The following CDH9 variants were observed in gnomAD, a reference collection of about 807,000 sequenced individuals.
The protein encoded by CDH9 is cadherin-9.
CDH9 carries 28 observed loss-of-function variants against 70.9 expected under a neutral mutation model. The observed-to-expected ratio is 0.40, with a 90% CI of 0.29 to 0.54. CDH9 has a LOEUF of 0.54. Ranked by LOEUF, CDH9 falls within the 20% of genes least tolerant of loss-of-function variation. CDH9 has a pLI of 0.59. For missense variants in CDH9, 874 were observed against 984.4 expected, an observed-to-expected ratio of 0.89 and a Z score of 1.50; for synonymous variants, 409 against 343.1, an observed-to-expected ratio of 1.19 and a Z score of -2.12.
intron 11 of CDH9, among the ~76,000 whole-genome samples, chr5:26,885,282 T>C (rs1026440639): frequency 6.6e-6 from 1 of 152,176 alleles, no homozygotes; most frequent in African/African-American, 2.4e-5. Context: ...ATTTACCTTA[T>C]ACAGTTGATG....
intron 1 of CDH9, among the ~76,000 whole-genome samples, chr5:26,995,725 A>G (rs553838970): frequency 6.6e-6 from 1 of 152,164 alleles, no homozygotes; most frequent in Admixed American, 6.5e-5. Flanking sequence ...TTACTTATTC[A>G]ATAGGGAAAA....
intron 2 of CDH9, among the ~76,000 whole-genome samples, chr5:26,970,675 A>G (rs1016636112): frequency 1.2e-4 from 19 of 152,102 alleles, no homozygotes; most frequent in African/African-American, 4.3e-4. Context: ...AATTTATGCA[A>G]TTGTAATCAG....
chr5:27,035,416 G>T (rs992657195), intron 1 of CDH9, among the ~76,000 whole-genome samples: 5 of 151,478 alleles, frequency 3.3e-5, no homozygotes, highest in African/African-American at 1.2e-4. Context: ...GAAAGAAATT[G>T]CTTTATCTTA....
At chr5:26,972,526 G>T (rs1742237042) in intron 2 of CDH9, among the ~76,000 whole-genome samples, 1 of 152,006 alleles carries the variant, frequency 6.6e-6, no homozygotes, top group African/African-American at 2.4e-5. Context: ...AGAAAACTCA[G>T]CCAAAAAAGT....
intron 7 of CDH9, among the ~76,000 whole-genome samples, chr5:26,891,627 G>C (rs1250760645): frequency 6.6e-6 from 1 of 152,084 alleles, no homozygotes; most frequent in Non-Finnish European, 1.5e-5. Context: ...GCAGTGAGCC[G>C]AGATGGCACC....
intron 2 of CDH9, among the ~76,000 whole-genome samples, chr5:26,926,106 A>T (rs1461725077): frequency 6.6e-6 from 1 of 152,298 alleles, no homozygotes; most frequent in Middle Eastern, 3.4e-3. Flanking sequence ...ATCAGGCAAG[A>T]TAAATAAATA....
chr5:26,969,325 T>G (rs916155031), intron 2 of CDH9, among the ~76,000 whole-genome samples: 2 of 152,154 alleles, frequency 1.3e-5, no homozygotes, highest in African/African-American at 4.8e-5. Flanking sequence ...CTAGCTAAAA[T>G]GTACTTCATA....
intron 2 of CDH9, among the ~76,000 whole-genome samples, chr5:26,951,270 T>G (rs548244702): frequency 9.5e-6 from 1 of 105,032 alleles, no homozygotes; most frequent in African/African-American, 3.8e-5. Context: ...TTAGCCTGGG[T>G]GACAGAGCAA....
chr5:26,981,836 A>AC (rs1289792889), intron 2 of CDH9, among the ~76,000 whole-genome samples: 1 of 151,928 alleles, frequency 6.6e-6, no homozygotes, highest in Non-Finnish European at 1.5e-5. Flanking sequence ...TAGACAACTT[A>AC]CCCTTGTCTT....
intron 2 of CDH9, among the ~76,000 whole-genome samples, chr5:26,952,634 C>CAAAAAAAAA (rs35876875): frequency 1.7e-5 from 1 of 57,854 alleles, no homozygotes; most frequent in Non-Finnish European, 3.0e-5. Context: ...GACTCCGTCT[C>CAAAAAAAAA]AAAAAAAAAA....
rs770511564 is a variant in CDH9 at position 26,988,182 on chromosome 5, G to C, written c.152C>G (p.Thr51Ser). The C allele has an allele frequency of 1.9e-6, 3 of 1,613,366 alleles. No homozygotes were observed. The highest frequency in any genetic ancestry group is 1.7e-4 in the Middle Eastern group (1 of 6,038). The change falls in exon 2 of 12, where the codon ACC becomes AGC. Residue 51 changes from threonine (T) to serine (S), a missense_variant. Transcript: ENST00000231021. ...TKDDGKMLRR[T>S]KRGWMWNQFF... ...CTGATTCCACATCCAGCCACGCTTG[G>C]TGCGACGTAGCATTTTACCGTCATC...
intron 2 of CDH9, among the ~76,000 whole-genome samples, chr5:26,963,950 C>G (rs1479123102): frequency 6.6e-6 from 1 of 152,028 alleles, no homozygotes; most frequent in Non-Finnish European, 1.5e-5. Context: ...ATGTTTCTAA[C>G]TTAAAGAGCT....
At chr5:26,967,597 C>A (rs1017211612) in intron 2 of CDH9, among the ~76,000 whole-genome samples, 2 of 152,094 alleles carry the variant, frequency 1.3e-5, no homozygotes, top group Non-Finnish European at 2.9e-5. Context: ...AGAAATATAG[C>A]AATAAGCCAC....
Position 26,881,549 on chromosome 5 carries a change from G to A in CDH9, c.1957C>T (p.Arg653Trp). The change falls in exon 12 of 12, where the codon CGG (arginine) becomes TGG (tryptophan). Residue 653 changes from arginine to tryptophan, a missense_variant. Coordinates refer to ENST00000231021, the MANE Select transcript of CDH9 (RefSeq NM_016279.4). ...EPLIISKDDV[R>W]DNIVTYNDEG... ...TCGTTGTAGGTCACAATGTTGTCCC[G>A]GACATCGTCTTTTGAAATTATCAGA... The A allele has an allele frequency of 6.2e-7, 1 of 1,613,458 alleles. No individual in the cohort carries two copies. Among genetic ancestry groups the A allele is most frequent in the Non-Finnish European group, 8.5e-7 (1 of 1,179,694 alleles).
At chr5:26,965,577 A>T (rs1742115294) in intron 2 of CDH9, among the ~76,000 whole-genome samples, 2 of 141,084 alleles carry the variant, frequency 1.4e-5, no homozygotes, top group Admixed American at 1.4e-4. Context: ...CTCTGTCTTA[A>T]TAATAATAAT....
At chr5:27,024,384 T>C (rs1554004894) in intron 1 of CDH9, among the ~76,000 whole-genome samples, 1 of 152,124 alleles carries the variant, frequency 6.6e-6, no homozygotes, top group Non-Finnish European at 1.5e-5. Context: ...TGAAAAAATG[T>C]AGTGTCACAT....
At chr5:26,964,230 C>T (rs537325156) in intron 2 of CDH9, among the ~76,000 whole-genome samples, 4 of 152,020 alleles carry the variant, frequency 2.6e-5, no homozygotes, top group Non-Finnish European at 4.4e-5. Context: ...CACAAGCACA[C>T]GCATTCATGG....
At chr5:26,888,533 A>C (rs1026790268) in intron 9 of CDH9, among the ~76,000 whole-genome samples, 2 of 152,216 alleles carry the variant, frequency 1.3e-5, no homozygotes, top group African/African-American at 2.4e-5. Context: ...TATATGTTGC[A>C]AAATGAAAAA....
At chr5:26,910,270 T>A (rs1579677990) in intron 3 of CDH9, among the ~76,000 whole-genome samples, 1 of 140,272 alleles carries the variant, frequency 7.1e-6, no homozygotes, top group Non-Finnish European at 1.6e-5. Context: ...TATCTGGCAT[T>A]AATTATCTCT....
Sources: gnomAD v4.1 joint callset for allele counts (sites outside exome capture counted in the v4.1 genomes callset) on GRCh38, gnomAD v4.1.1 for gene constraint, MANE v1.5 for transcripts, NCBI Gene and HGNC (gene_info 2026-07-23, HGNC 2026-07-21) for gene names.